The following CAMK4 variants were observed in gnomAD, a reference collection of about 807,000 sequenced individuals.
CAMK4 encodes calcium/calmodulin dependent protein kinase IV.
CAMK4 carries 22 observed loss-of-function variants against 44.9 expected under a neutral mutation model. The ratio of observed to expected loss-of-function variants is 0.49; its 90% CI spans 0.35 to 0.70. CAMK4 has a LOEUF of 0.70. CAMK4 is among the 30% of genes least tolerant of loss of function. The pLI is 0.01. For synonymous variants in CAMK4, 218 were observed against 215.4 expected, an observed-to-expected ratio of 1.01 and a Z score of -0.11; for missense variants, 498 against 586.8, an observed-to-expected ratio of 0.85 and a Z score of 1.56.
At chr5:111,418,263 A>G (rs1752884751) in intron 5 of CAMK4, among the ~76,000 whole-genome samples, 1 of 152,158 alleles carries the variant, frequency 6.6e-6, no homozygotes, top group Non-Finnish European at 1.5e-5. Flanking sequence ...GGTTTTCAAA[A>G]GGGGAGGGAG....
chr5:111,261,119 A>G lies in CAMK4; in HGVS notation c.161+36475A>G, dbSNP rs534435460. Among the ~76,000 whole-genome samples the G allele has an allele frequency of 2.0e-5, 3 of 152,290 alleles. No individual in the cohort carries two copies. In the East Asian group the frequency reaches 5.8e-4, roughly 29 times the overall value. ...ATCTTGTCCAACCACTTTATCCTTAAAGACACAATTTGGATGTCATACACA... is the reference window on the plus strand; with the variant it reads ...ATCTTGTCCAACCACTTTATCCTTAGAGACACAATTTGGATGTCATACACA... On this transcript the variant is annotated intron_variant, in intron 1 of 10. Coordinates refer to ENST00000282356, the MANE Select transcript of CAMK4 (RefSeq NM_001744.6).
intron 1 of CAMK4, among the ~76,000 whole-genome samples, chr5:111,264,252 G>T (rs1372734171): frequency 6.6e-6 from 1 of 152,162 alleles, no homozygotes; most frequent in Non-Finnish European, 1.5e-5. Flanking sequence ...GGTGTGATTT[G>T]CAGTTATCTT....
At chr5:111,472,340 A>T (rs1344019450) in intron 7 of CAMK4, among the ~76,000 whole-genome samples, 3 of 152,134 alleles carry the variant, frequency 2.0e-5, no homozygotes. Flanking sequence ...AGCCATCAGC[A>T]TTAATCAAGA....
intron 2 of CAMK4, among the ~76,000 whole-genome samples, chr5:111,369,041 AAAT>A (rs904479522): frequency 6.7e-6 from 1 of 149,510 alleles, no homozygotes; most frequent in African/African-American, 2.4e-5. Context: ...TCTACTCACA[AAAT>A]AATAATAATA....
In CAMK4 at chr5:111,484,387, CA is replaced by C; in HGVS notation, c.1344del (p.Ala449LeufsTer20). On this transcript the variant is annotated frameshift_variant, in exon 11 of 11. Coordinates refer to ENST00000282356, the MANE Select transcript of CAMK4 (RefSeq NM_001744.6). LOFTEE classifies it low-confidence loss of function (END_TRUNC). This position sits in a 1 kb window ranked among gnomAD's most constrained non-coding sequence, Gnocchi z 5.3. Reference protein sequence around the residue: ...EEKLKTVEEAAAPREGQGSSA... With the variant: ...EEKLKTVEEAXAPREGQGSSA... ...AAGCTGAAGACTGTGGAGGAGGCAG[CA>C]GCTCCCAGAGAAGGGCAAGGAAGCT... 6.3e-7 allele frequency: 1 copy of C among 1,589,166 alleles called. No homozygotes were observed. Among genetic ancestry groups the C allele is most frequent in the South Asian group, 1.1e-5 (1 of 87,304 alleles).
chr5:111,265,152 A>G (rs1750179219), intron 1 of CAMK4, among the ~76,000 whole-genome samples: 1 of 152,174 alleles, frequency 6.6e-6, no homozygotes, highest in African/African-American at 2.4e-5. Context: ...CTTGCCTATT[A>G]TATACTCTGC....
intron 1 of CAMK4, among the ~76,000 whole-genome samples, chr5:111,279,493 G>A (rs116411056): frequency 4.3e-4 from 65 of 151,406 alleles, no homozygotes; most frequent in African/African-American, 1.5e-3. Context: ...GAGGGAGTGG[G>A]GAGTAAAATT....
intron 1 of CAMK4, among the ~76,000 whole-genome samples, chr5:111,281,062 T>C (rs1239179168): frequency 6.6e-6 from 1 of 152,362 alleles, no homozygotes; most frequent in Middle Eastern, 3.4e-3. Context: ...GGTGTTGATA[T>C]TGCCAAATCA....
At chr5:111,224,331 C>G, upstream of CAMK4, 2 of 1,170,116 alleles carry the variant, frequency 1.7e-6, no homozygotes, top group South Asian at 4.9e-5. This position sits in a 1 kb window ranked among gnomAD's most constrained non-coding sequence, Gnocchi z 5.7. Flanking sequence ...CCCACCGTCC[C>G]TGCGAGCGCG....
At chr5:111,247,891 A>G (rs1355499545) in intron 1 of CAMK4, among the ~76,000 whole-genome samples, 2 of 152,210 alleles carry the variant, frequency 1.3e-5, no homozygotes, top group Non-Finnish European at 2.9e-5. Context: ...ATAAGGCCAA[A>G]GAAGTACTGC....
chr5:111,344,417 TACAC>T (rs1561427067), intron 2 of CAMK4, among the ~76,000 whole-genome samples: 1 of 145,556 alleles, frequency 6.9e-6, no homozygotes, highest in Non-Finnish European at 1.5e-5. Context: ...TATATGTATA[TACAC>T]ACACACACAC....
intron 1 of CAMK4, among the ~76,000 whole-genome samples, chr5:111,298,408 G>T (rs570788409): frequency 6.6e-6 from 1 of 152,208 alleles, no homozygotes; most frequent in African/African-American, 2.4e-5. Context: ...TATGATCACA[G>T]TCTACCCAAT....
At chr5:111,322,589 C>T (rs1748708439) in intron 1 of CAMK4, among the ~76,000 whole-genome samples, 1 of 151,910 alleles carries the variant, frequency 6.6e-6, no homozygotes, top group Non-Finnish European at 1.5e-5. Flanking sequence ...AAATATCTAT[C>T]ATACAATTTA....
chr5:111,256,391 A>C (rs1409028654), intron 1 of CAMK4, among the ~76,000 whole-genome samples: 2 of 145,172 alleles, frequency 1.4e-5, no homozygotes, highest in Non-Finnish European at 3.1e-5. Flanking sequence ...ATTAATCAAC[A>C]TGTGAGAAAA....
intron 5 of CAMK4, among the ~76,000 whole-genome samples, chr5:111,441,872 T>C (rs979624760): frequency 1.3e-5 from 2 of 152,220 alleles, no homozygotes; most frequent in Admixed American, 1.3e-4. Flanking sequence ...TAATATGATA[T>C]CATAAAATAT....
chr5:111,258,589 A>C (rs925174906), intron 1 of CAMK4, among the ~76,000 whole-genome samples: 47 of 152,292 alleles, frequency 3.1e-4, no homozygotes, highest in African/African-American at 1.1e-3. Flanking sequence ...TGAGAATAGC[A>C]CAGGAAAGAC....
At chr5:111,346,633 A>G (rs1749882323) in intron 2 of CAMK4, among the ~76,000 whole-genome samples, 1 of 151,934 alleles carries the variant, frequency 6.6e-6, no homozygotes, top group Non-Finnish European at 1.5e-5. Context: ...GGAGGCAAGA[A>G]GTCCAAAATC....
chr5:111,233,125 G>T (rs1262323705), intron 1 of CAMK4, among the ~76,000 whole-genome samples: 2 of 152,070 alleles, frequency 1.3e-5, no homozygotes, highest in African/African-American at 4.8e-5. Flanking sequence ...AAATCAAACG[G>T]CTCCTAGGTC....
chr5:111,362,229 ACT>A, intron 2 of CAMK4, among the ~76,000 whole-genome samples: 1 of 152,114 alleles, frequency 6.6e-6, no homozygotes, highest in African/African-American at 2.4e-5. Context: ...TTGATTAAAG[ACT>A]CTAAATGATC....
Sources: gnomAD v4.1 joint callset for allele counts (sites outside exome capture counted in the v4.1 genomes callset) on GRCh38, gnomAD v4.1.1 for gene constraint, Gnocchi (gnomAD v3.1) non-coding constraint, MANE v1.5 for transcripts, NCBI Gene and HGNC (gene_info 2026-07-23, HGNC 2026-07-21) for gene names.